Variants in LRRC42 observed in about 807,000 individuals in gnomAD.
LRRC42 encodes the protein leucine rich repeat containing 42, also known as leucine-rich repeat-containing protein 42.
Under a neutral mutation model 44.3 loss-of-function variants are expected in LRRC42, and 43 were observed. The observed-to-expected ratio is 0.97, with a 90% CI of 0.76 to 1.25. LRRC42 has a LOEUF of 1.25. LRRC42 is among the 50% of genes most tolerant of loss of function. LRRC42 has a pLI of 0.00. For synonymous variants in LRRC42, 207 were observed against 195.2 expected, an observed-to-expected ratio of 1.06 and a Z score of -0.50; for missense variants, 540 against 509.1, an observed-to-expected ratio of 1.06 and a Z score of -0.58.
rs375547818 is a variant in LRRC42, at chr1:53,952,082, A to G, written c.83A>G (p.Asn28Ser). Residue 28 changes from asparagine to serine, a missense_variant, in exon 3 of 9, where the codon AAT (asparagine) becomes AGT (serine). By Grantham distance (46) the Asn-to-Ser change is conservative (BLOSUM62 1). Coordinates refer to ENST00000371370, the MANE Select transcript of LRRC42 (RefSeq NM_001256409.2). ...GAAAATGGGCAGCTGCACATGGTCA[A>G]TCTGGCTCTGGATGGTGTCAGGAGT... ...MRENGQLHMVNLALDGVRSSL... is the reference protein window; with the variant it reads ...MRENGQLHMVSLALDGVRSSL... 433 of 1,614,214 alleles carry G rather than the reference A, an allele frequency of 2.7e-4. 2 individuals carry two copies. Among genetic ancestry groups the G allele is most frequent in the East Asian group, 1.3e-3 (58 of 44,888 alleles).
chr1:53,952,764 T>C (rs1408753404), intron 3 of LRRC42, among the ~76,000 whole-genome samples: 1 of 152,166 alleles, frequency 6.6e-6, no homozygotes, highest in Non-Finnish European at 1.5e-5. Flanking sequence ...AAAGACAAAA[T>C]GTGATCTGCC....
At position 53,966,254 on chromosome 1, in the gene LRRC42, C is replaced by T. The variant is rs1353596138; in HGVS notation, c.928-42C>T. 5 of 1,484,908 alleles carry T rather than the reference C, an allele frequency of 3.4e-6. No homozygotes were observed. The African/African-American group carries it at 6.9e-5, about 21-fold the overall frequency. 92.0% of individuals were successfully genotyped at this position (1,484,908 alleles called of 1,614,324 possible). A position where few individuals can be genotyped will look rare whatever the true frequency, so the allele number is the denominator to read the frequency against. On this transcript the variant is annotated intron_variant, in intron 7 of 8. Coordinates refer to ENST00000371370, the MANE Select transcript of LRRC42 (RefSeq NM_001256409.2). ...CAAGAAAGGCTTGAGATTAAAATCT[C>T]AATATTTTGTTTGGATTCAAATCTT...
At chr1:53,960,254 G>GA in intron 4 of LRRC42, 102 bp from the exon 5 acceptor site, 2 of 800,936 alleles carry the variant, frequency 2.5e-6, no homozygotes, top group South Asian at 3.3e-5. Flanking sequence ...AGAGGTAGAG[G>GA]ATATGTTATA....
intron 3 of LRRC42, among the ~76,000 whole-genome samples, 166 bp downstream of exon 3, chr1:53,952,638 C>T (rs1654726659): frequency 6.6e-6 from 1 of 152,168 alleles, no homozygotes; most frequent in South Asian, 2.1e-4. Flanking sequence ...CTTCCTTCTC[C>T]TCACCTCTTA....
At chr1:53,950,823 A>G (rs1200052483) in intron 2 of LRRC42, among the ~76,000 whole-genome samples, 1 of 152,220 alleles carries the variant, frequency 6.6e-6, no homozygotes, top group African/African-American at 2.4e-5. Flanking sequence ...TGACTTTTTT[A>G]TGTTAAAACT....
rs755234513 is a variant in LRRC42 at position 53,960,342 on chromosome 1, C to T, written c.606-14C>T. 6.4e-7 allele frequency: 1 copy of T among 1,571,608 alleles called. No homozygotes were observed. The highest frequency in any genetic ancestry group is 2.2e-5 in the East Asian group (1 of 44,630). On this transcript the variant is annotated splice_polypyrimidine_tract_variant and intron_variant, in intron 4 of 8. Transcript: ENST00000371370. ...TCTCTTTGAGTAATTTATGTATGTA[C>T]TTTGTTTCCCTAGTGTAACTCAGCT...
intron 4 of LRRC42, among the ~76,000 whole-genome samples, chr1:53,959,720 T>G (rs1011331165): frequency 6.6e-6 from 1 of 152,236 alleles, no homozygotes; most frequent in South Asian, 2.1e-4. Flanking sequence ...TAGCAGACTT[T>G]CCTGACATAG....
intron 7 of LRRC42, among the ~76,000 whole-genome samples, chr1:53,964,182 T>C (rs1655067944): frequency 6.6e-6 from 1 of 152,104 alleles, no homozygotes; most frequent in Non-Finnish European, 1.5e-5. Flanking sequence ...TCACCTTCCT[T>C]GGCTTTCCTG....
chr1:53,963,062 C>T (rs898928155), intron 7 of LRRC42, among the ~76,000 whole-genome samples: 1 of 152,070 alleles, frequency 6.6e-6, no homozygotes, highest in Non-Finnish European at 1.5e-5. Context: ...TGGCTGGGGC[C>T]TTTCTCCCTT....
chr1:53,958,223 G>C lies in LRRC42; in HGVS notation c.548G>C (p.Cys183Ser). The change falls in exon 4 of 9, where the codon TGC becomes TCC. Residue 183 changes from cysteine to serine, a missense_variant. Physicochemically the swap from Cys to Ser is moderately radical, Grantham distance 112. Coordinates refer to ENST00000371370, the MANE Select transcript of LRRC42 (RefSeq NM_001256409.2). ...CTGACCTGCCTGGATCTTTCCTGTT[G>C]CAAGCTTGGAGATGAGCATGAACTT... Reference protein sequence around the residue: ...RELTCLDLSCCKLGDEHELLE... With the variant: ...RELTCLDLSCSKLGDEHELLE... 1 of 1,613,856 alleles carries C rather than the reference G, an allele frequency of 6.2e-7. No homozygotes were observed. Among genetic ancestry groups the C allele is most frequent in the East Asian group, 2.2e-5 (1 of 44,866 alleles).
At chr1:53,962,705 A>C (rs914396510) in intron 7 of LRRC42, among the ~76,000 whole-genome samples, 13 of 152,230 alleles carry the variant, frequency 8.5e-5, no homozygotes, top group Admixed American at 8.5e-4. Flanking sequence ...CTTGCTACAC[A>C]AAAAAGCAGT....
In LRRC42 at chr1:53,967,610, AG is replaced by A. The variant is rs940924680; in HGVS notation, c.1013-52del. 2.6e-6 allele frequency: 4 copies of A among 1,524,824 alleles called. No homozygotes were observed. The Admixed American group carries it at 7.1e-5, about 27-fold the overall frequency. The allele number at this position is 1,524,824 out of a possible 1,614,324, so 94.5% of individuals were successfully genotyped here. The stretch of plus-strand genomic sequence containing the variant: ...TCCCTGGGTTTATCCTAGACTGATG[AG>A]GGAATTAGCATATGCCAGTGTAGTG... On this transcript the variant is annotated intron_variant, in intron 8 of 8. Coordinates refer to ENST00000371370, the MANE Select transcript of LRRC42 (RefSeq NM_001256409.2).
chr1:53,949,857 G>A (rs1654624238), intron 2 of LRRC42, among the ~76,000 whole-genome samples: 1 of 152,214 alleles, frequency 6.6e-6, no homozygotes, highest in Admixed American at 6.5e-5. Flanking sequence ...GCTGTTGCCT[G>A]GAAAAGGAGC....
In LRRC42 at chr1:53,962,407, C is replaced by G. The variant is rs1441268148; in HGVS notation, c.925C>G (p.Gln309Glu). The G allele has an allele frequency of 4.4e-6, 7 of 1,596,510 alleles. No individual in the cohort carries two copies. The highest frequency in any genetic ancestry group is 6.0e-6 in the Non-Finnish European group (7 of 1,164,264). Reference protein sequence around the residue: ...SNCKTEGWADQIVLQWERVTA... With the variant: ...SNCKTEGWADEIVLQWERVTA... ...CTGCAAGACAGAGGGCTGGGCTGAC[C>G]AGGTACTCCAGATTTTTCTTCCTTG... The change falls in exon 7 of 9, where the codon CAG (glutamine) becomes GAG (glutamate). Residue 309 changes from glutamine (Q) to glutamate (E), a missense_variant and splice_region_variant. Gln to Glu is a conservative substitution (Grantham distance 29). Transcript: ENST00000371370.
At chr1:53,956,879 A>G (rs1654856033) in intron 3 of LRRC42, among the ~76,000 whole-genome samples, 2 of 152,338 alleles carry the variant, frequency 1.3e-5, no homozygotes, top group Admixed American at 6.5e-5. Flanking sequence ...CTAAATCCCC[A>G]TTAACACACT....
At position 53,960,369 on chromosome 1, in the gene LRRC42, C is replaced by T; in HGVS notation, c.619C>T (p.His207Tyr). The change falls in exon 5 of 9, where the codon CAC becomes TAC. Residue 207 changes from histidine to tyrosine, a missense_variant. Coordinates refer to ENST00000371370, the MANE Select transcript of LRRC42 (RefSeq NM_001256409.2). Reference protein sequence around the residue: ...NEALSSVTQLHLKDNCLSDAG... With the variant: ...NEALSSVTQLYLKDNCLSDAG... ...TTGTTTCCCTAGTGTAACTCAGCTC[C>T]ACCTGAAGGATAATTGTTTATCTGA... 1 of 1,612,632 alleles carries T rather than the reference C, an allele frequency of 6.2e-7. No homozygotes were observed. Among genetic ancestry groups the T allele is most frequent in the South Asian group, 1.1e-5 (1 of 90,674 alleles).
At chr1:53,966,245 T>C in intron 7 of LRRC42, 51 bp from the exon 8 acceptor site, 1 of 1,453,214 alleles carries the variant, frequency 6.9e-7, no homozygotes, top group Non-Finnish European at 9.7e-7. Flanking sequence ...AGGCTTGAGA[T>C]TAAAATCTCA....
intron 6 of LRRC42, 64 bp from the exon 7 acceptor site, chr1:53,962,232 T>C: frequency 6.9e-7 from 1 of 1,450,784 alleles, no homozygotes. Flanking sequence ...CTTTATTTAC[T>C]ACTGAAAACA....
chr1:53,966,029 A>T (rs1481517437), intron 7 of LRRC42, among the ~76,000 whole-genome samples: 2 of 152,236 alleles, frequency 1.3e-5, no homozygotes, highest in East Asian at 3.9e-4. Flanking sequence ...TGGAATAAAG[A>T]TGAAAATAGA....
Sources: allele counts gnomAD v4.1 joint callset (sites outside exome capture counted in the v4.1 genomes callset), GRCh38; gene constraint gnomAD v4.1.1; transcripts MANE v1.5; gene names NCBI Gene and HGNC (gene_info 2026-07-23, HGNC 2026-07-21).